Variants in CGN observed in about 807,000 individuals in gnomAD.
CGN encodes the protein cingulin.
A neutral mutation model predicts 157.1 loss-of-function variants in CGN; 121 were observed. The observed-to-expected ratio is 0.77, with a 90% CI of 0.66 to 0.90. CGN has a LOEUF of 0.90. Ranked by LOEUF, CGN falls within the 40% of genes least tolerant of loss-of-function variation. The probability of loss-of-function intolerance (pLI) is 0.00; values close to 1 mark genes in which losing one functional copy is unlikely to be tolerated. For synonymous variants in CGN, 535 were observed against 607.5 expected (o/e 0.88, Z 1.76); for missense variants, 1,424 against 1,520.9 (o/e 0.94, Z 1.06).
chr1:151,512,541 A>G (rs1265146151), intron 1 of CGN, among the ~76,000 whole-genome samples: 2 of 152,206 alleles, frequency 1.3e-5, no homozygotes, highest in African/African-American at 2.4e-5. Context: ...CCACGAGACT[A>G]GGGAAATTAC....
intron 1 of CGN, among the ~76,000 whole-genome samples, chr1:151,517,883 C>T (rs1664447887): frequency 6.7e-6 from 1 of 149,684 alleles, no homozygotes; most frequent in South Asian, 2.1e-4. Flanking sequence ...CAGGGTCTCA[C>T]TCTGTCACCC....
At position 151,536,277 on chromosome 1, in the gene CGN, C is replaced by T. The variant is rs1419731765; in HGVS notation, c.3238C>T (p.Arg1080Trp). Residue 1080 changes from arginine (R) to tryptophan (W), a missense_variant, in exon 19 of 21, where the codon CGG becomes TGG. Physicochemically the swap from Arg to Trp is moderately radical, Grantham distance 101. Around this residue, in one of 3 missense-constraint regions of CGN, gnomAD observed 199 missense variants for 272.2 expected, o/e 0.73. Coordinates refer to ENST00000271636, the MANE Select transcript of CGN (RefSeq NM_020770.3). ...GCAGTCTACCAATCGAAAACTGGAG[C>T]GGAAAGTTAAAGAACTATCCATCCA... ...VLQSTNRKLERKVKELSIQIE... is the reference protein window; with the variant it reads ...VLQSTNRKLEWKVKELSIQIE... 6.8e-6 allele frequency: 11 copies of T among 1,612,070 alleles called. No individual in the cohort carries two copies. In the Admixed American group the frequency reaches 8.3e-5, roughly 12 times the overall value.
Position 151,514,006 on chromosome 1 carries a change from GCTTACGCAAGGC to G in CGN, c.-15+2494_-15+2505del, listed in dbSNP as rs1308051606. Among the ~76,000 whole-genome samples, 24 of 152,348 alleles carry G rather than the reference GCTTACGCAAGGC, an allele frequency of 1.6e-4. No homozygotes were observed. In the East Asian group the frequency reaches 4.0e-3, roughly 26 times the overall value. The stretch of plus-strand genomic sequence containing the variant: ...CACTGTTTACCTGCCTGTCTCTGGG[GCTTACGCAAGGC>G]CTCAGAGCTGCCCTGCTGCCTTGGT... On this transcript the variant is annotated intron_variant, in intron 1 of 20. Transcript: ENST00000271636.
chr1:151,519,498 C>A, intron 2 of CGN, 106 bp downstream of exon 2: 2 of 1,001,004 alleles, frequency 2.0e-6, no homozygotes, highest in Non-Finnish European at 1.4e-6. Flanking sequence ...ATAGCCTAGG[C>A]AGAAACTCTC....
Position 151,518,620 on chromosome 1 carries a change from C to T in CGN, c.101C>T (p.Thr34Ile). 47 of 1,614,152 alleles carry T rather than the reference C, an allele frequency of 2.9e-5. No homozygotes were observed. The highest frequency in any genetic ancestry group is 3.9e-5 in the Non-Finnish European group (46 of 1,180,028). The stretch of plus-strand genomic sequence containing the variant: ...CCAGTGAGTGGTGCAGAGATGGGCA[C>T]TCTACGTCGAGGTGGACGACGCCCA... ...TEPVSGAEMG[T>I]LRRGGRRPAK... is the part of the protein sequence containing the mutation. Residue 34 changes from threonine to isoleucine, a missense_variant, in exon 2 of 21, where the codon ACT becomes ATT. Physicochemically the swap from Thr to Ile is moderately conservative, Grantham distance 89 (BLOSUM62 -1). Around this residue, in one of 3 missense-constraint regions of CGN, gnomAD observed 1,187 missense variants for 1,217.6 expected, o/e 0.97. Transcript: ENST00000271636.
chr1:151,522,378 C>T (rs1664561830), intron 5 of CGN, among the ~76,000 whole-genome samples: 1 of 151,474 alleles, frequency 6.6e-6, no homozygotes, highest in African/African-American at 2.4e-5. Context: ...TAATCCCAGC[C>T]CTTTGGGAGG....
At position 151,524,353 on chromosome 1, in the gene CGN, C is replaced by T. The variant is rs199597158; in HGVS notation, c.1396C>T (p.Leu466=). 2.5e-6 allele frequency: 4 copies of T among 1,614,018 alleles called. No individual in the cohort carries two copies. Among genetic ancestry groups the T allele is most frequent in the Non-Finnish European group, 3.4e-6 (4 of 1,179,970 alleles). Reference sequence around the variant, plus strand: ...TCCTGAGCCTGCTAAGGAGGTGTTACTGAAGGTAGGGTCTGGGGTCATATG... The same window carrying T: ...TCCTGAGCCTGCTAAGGAGGTGTTATTGAAGGTAGGGTCTGGGGTCATATG... ...QGPEPAKEVL[L]KDLLETRELL... The change falls in exon 7 of 21, where the codon CTG becomes TTG. Residue 466 remains leucine (L), a synonymous_variant. Coordinates refer to ENST00000271636, the MANE Select transcript of CGN (RefSeq NM_020770.3). The surrounding 1 kb of genome is among the most constrained non-coding windows in gnomAD (Gnocchi z 4.4).
chr1:151,530,639 G>GAGCAGCTT lies in CGN; in HGVS notation c.2464_2465insAGCAGCTT (p.Ala822GlufsTer36). On this transcript the variant is annotated frameshift_variant, in exon 13 of 21. Transcript: ENST00000271636. LOFTEE classifies it high-confidence loss of function. Reference sequence around the variant, plus strand: ...GCAGGAGCAGCAGACACTGAACCGGGCCCTGGAGGAGGAAGGGAAGCAGCG... The same window carrying GAGCAGCTT: ...GCAGGAGCAGCAGACACTGAACCGGGAGCAGCTTCCCTGGAGGAGGAAGGGAAGCAGCG... 1 of 1,600,110 alleles carries GAGCAGCTT rather than the reference G, an allele frequency of 6.2e-7. No individual in the cohort carries two copies. Among genetic ancestry groups the GAGCAGCTT allele is most frequent in the South Asian group, 1.1e-5 (1 of 89,778 alleles).
chr1:151,513,849 A>C (rs1664352788), intron 1 of CGN, among the ~76,000 whole-genome samples: 1 of 152,204 alleles, frequency 6.6e-6, no homozygotes, highest in African/African-American at 2.4e-5. Context: ...CACCTGAATC[A>C]ACTTGTGGTC....
Position 151,518,857 on chromosome 1 carries a change from C to G in CGN, c.338C>G (p.Ala113Gly). The change falls in exon 2 of 21, where the codon GCC becomes GGC. Residue 113 changes from alanine to glycine, a missense_variant. Physicochemically the swap from Ala to Gly is moderately conservative, Grantham distance 60. Coordinates refer to ENST00000271636, the MANE Select transcript of CGN (RefSeq NM_020770.3). ...NPYSQVKGFP[A>G]PSQSSTSDEE... is the part of the protein sequence containing the mutation. ...TACTCTCAGGTCAAGGGATTTCCTG[C>G]CCCCTCGCAGAGCAGCACATCTGAT... 6.2e-7 allele frequency: 1 copy of G among 1,613,900 alleles called. No individual in the cohort carries two copies.
Position 151,524,403 on chromosome 1 carries a change from T to G in CGN, c.1401+45T>G. The G allele has an allele frequency of 6.2e-7, 1 of 1,607,218 alleles. No individual in the cohort carries two copies. Among genetic ancestry groups the G allele is most frequent in the Non-Finnish European group, 8.5e-7 (1 of 1,176,644 alleles). On this transcript the variant is annotated intron_variant, in intron 7 of 20. Coordinates refer to ENST00000271636, the MANE Select transcript of CGN (RefSeq NM_020770.3). This position sits in a 1 kb window ranked among gnomAD's most constrained non-coding sequence, Gnocchi z 4.4. ...GCCCCAGCCTCTGCTTTTTCTCAGT[T>G]GGAGCATCCTCAAGTCTGCTCATCC...
In CGN at chr1:151,536,716, G is replaced by C; in HGVS notation, c.3307-14G>C. ...AGATGCTATTCAGATGTGTGGACTT[G>C]GTATCCTGCCCAGCTAAGCCTGAGG... On this transcript the variant is annotated splice_polypyrimidine_tract_variant and intron_variant, in intron 19 of 20. Coordinates refer to ENST00000271636, the MANE Select transcript of CGN (RefSeq NM_020770.3). 6.2e-7 allele frequency: 1 copy of C among 1,613,680 alleles called. No homozygotes were observed. The highest frequency in any genetic ancestry group is 1.1e-5 in the South Asian group (1 of 91,036).
In CGN at chr1:151,519,342, C is replaced by T; in HGVS notation, c.823C>T (p.Gln275Ter). 1 of 1,608,692 alleles carries T rather than the reference C, an allele frequency of 6.2e-7. No homozygotes were observed. Among genetic ancestry groups the T allele is most frequent in the Non-Finnish European group, 8.5e-7 (1 of 1,179,974 alleles). ...TCGTCAGACTCAGGACTGGGTCCTT[C>T]AGAGTTTTGAGGAGCCGCGGAGGAG... ...RSRQTQDWVL[Q>*]SFEEPRRSAQ... Residue 275 changes from glutamine to a stop codon, truncating the protein, a stop_gained, in exon 2 of 21, where the codon CAG becomes TAG. Coordinates refer to ENST00000271636, the MANE Select transcript of CGN (RefSeq NM_020770.3). LOFTEE classifies it high-confidence loss of function.
In CGN at chr1:151,529,971, G is replaced by A. The variant is rs908870060; in HGVS notation, c.2169G>A (p.Thr723=). 6.8e-6 allele frequency: 11 copies of A among 1,614,124 alleles called. No individual in the cohort carries two copies. The highest frequency in any genetic ancestry group is 1.7e-4 in the Middle Eastern group (1 of 6,058). The change falls in exon 12 of 21, where the codon ACG becomes ACA. Residue 723 remains threonine, a synonymous_variant. Transcript: ENST00000271636. The part of the protein sequence containing the change: ...VLGQRRAAVE[T]TLRETQEEND... ...GGCAGCGGCGGGCCGCAGTGGAGAC[G>A]ACGCTTCGGGAGACCCAGGAGGAAA...
intron 14 of CGN, 50 bp downstream of exon 14, chr1:151,532,622 T>TC: frequency 2.3e-6 from 3 of 1,326,956 alleles, no homozygotes; most frequent in East Asian, 5.9e-5. Flanking sequence ...CTTTTTTTTT[T>TC]TTTTTTTTTT....
chr1:151,535,922 C>T, intron 18 of CGN, 24 bp downstream of exon 18: 1 of 1,556,144 alleles, frequency 6.4e-7, no homozygotes, highest in East Asian at 2.2e-5. Flanking sequence ...ATCCTTCCTC[C>T]CTTCCTCCCT....
rs1296278677 is a variant in CGN at position 151,525,636 on chromosome 1, C to T, written c.1615-6C>T. ...CCTTCTGGTGTCCAACTCTCCCCTT[C>T]TCTAGGACCATGCAGTGCTGGAGGC... On this transcript the variant is annotated splice_polypyrimidine_tract_variant and splice_region_variant and intron_variant, in intron 8 of 20. Coordinates refer to ENST00000271636, the MANE Select transcript of CGN (RefSeq NM_020770.3). 6.3e-7 allele frequency: 1 copy of T among 1,581,862 alleles called. No individual in the cohort carries two copies. Among genetic ancestry groups the T allele is most frequent in the Admixed American group, 1.8e-5 (1 of 55,018 alleles).
intron 16 of CGN, 106 bp downstream of exon 16, chr1:151,535,237 C>G: frequency 1.2e-6 from 1 of 862,020 alleles, no homozygotes. Flanking sequence ...GCTGCCGAAT[C>G]TGTGCGTGGC....
intron 14 of CGN, 38 bp downstream of exon 14, chr1:151,532,610 C>CCA: frequency 9.4e-7 from 1 of 1,066,694 alleles, no homozygotes; most frequent in Non-Finnish European, 1.2e-6. Flanking sequence ...AGGTCCTTGC[C>CCA]TCTTTTTTTT....
Sources: allele counts gnomAD v4.1 joint callset (sites outside exome capture counted in the v4.1 genomes callset), GRCh38; gene constraint gnomAD v4.1.1; regional missense constraint gnomAD v4.1.1; non-coding constraint Gnocchi (gnomAD v3.1); transcripts MANE v1.5; gene names NCBI Gene and HGNC (gene_info 2026-07-23, HGNC 2026-07-21).